The following CCDC7 variants were observed in gnomAD, a reference collection of about 807,000 sequenced individuals.
CCDC7 encodes coiled-coil domain-containing protein 7.
In CCDC7, 183 loss-of-function variants were observed where a neutral mutation model predicts 196.9. The observed-to-expected ratio is 0.93, with a 90% confidence interval of 0.82 to 1.05. The LOEUF (loss-of-function observed/expected upper bound fraction) is 1.05. CCDC7 is among the 50% of genes least tolerant of loss of function. CCDC7 has a pLI of 0.00. For synonymous variants in CCDC7, 525 were observed against 484.6 expected, an observed-to-expected ratio of 1.08 and a Z score of -1.10; for missense variants, 1,540 against 1,482.2, an observed-to-expected ratio of 1.04 and a Z score of -0.64.
chr10:32,654,312 A>C (rs2069350548), intron 20 of CCDC7, among the ~76,000 whole-genome samples: 1 of 152,194 alleles, frequency 6.6e-6, no homozygotes, highest in Non-Finnish European at 1.5e-5. Flanking sequence ...ACATCTTGGC[A>C]TCTTCAGGGA....
chr10:32,602,362 C>A (rs2061141659), intron 18 of CCDC7, among the ~76,000 whole-genome samples: 2 of 151,916 alleles, frequency 1.3e-5, no homozygotes, highest in Non-Finnish European at 2.9e-5. Flanking sequence ...GAGGGTCTGT[C>A]GCTTCATTCT....
chr10:32,576,417 G>T (rs1373895418), intron 16 of CCDC7, among the ~76,000 whole-genome samples: 2 of 151,994 alleles, frequency 1.3e-5, no homozygotes, highest in Admixed American at 1.3e-4. Context: ...GCCCTTGCTT[G>T]GTACGGTAGC....
At chr10:32,492,383 T>A (rs2042286468) in intron 9 of CCDC7, among the ~76,000 whole-genome samples, 1 of 152,176 alleles carries the variant, frequency 6.6e-6, no homozygotes, top group South Asian at 2.1e-4. Context: ...AAGGGATATT[T>A]GTACATCCAT....
At chr10:32,692,194 T>G (rs2077166642) in intron 23 of CCDC7, among the ~76,000 whole-genome samples, 1 of 152,182 alleles carries the variant, frequency 6.6e-6, no homozygotes, top group African/African-American at 2.4e-5. Context: ...TGCCTAGGGC[T>G]AAGAATAGTC....
At chr10:32,487,843 G>C (rs1329734546) in intron 8 of CCDC7, among the ~76,000 whole-genome samples, 1 of 152,192 alleles carries the variant, frequency 6.6e-6, no homozygotes, top group Non-Finnish European at 1.5e-5. Context: ...CGTTCCTCTG[G>C]AAGTTTTGTC....
chr10:32,528,808 T>TA (rs2049164197), intron 11 of CCDC7, among the ~76,000 whole-genome samples: 1 of 133,546 alleles, frequency 7.5e-6, no homozygotes, highest in African/African-American at 3.0e-5. Context: ...TATATATATA[T>TA]TTATATTTTC....
At chr10:32,707,509 T>G (rs918526992) in intron 24 of CCDC7, among the ~76,000 whole-genome samples, 2 of 152,146 alleles carry the variant, frequency 1.3e-5, no homozygotes, top group African/African-American at 4.8e-5. Context: ...GGTATTCAAT[T>G]AGGAAAAGAG....
In CCDC7 at chr10:32,660,622, G is replaced by C. The variant is rs563196452; in HGVS notation, c.2015-3432G>C. The stretch of plus-strand genomic sequence containing the variant: ...TGTCTTTATAGCAGCATGATTTATA[G>C]TCCTTTGGGTATATACCCAGTAATG... On this transcript the variant is annotated intron_variant, in intron 20 of 41. Transcript: ENST00000639629. Among the ~76,000 whole-genome samples the C allele has an allele frequency of 2.2e-4, 33 of 150,816 alleles. No homozygotes were observed. The South Asian group carries it at 7.0e-3, about 32-fold the overall frequency.
chr10:32,676,635 G>A (rs1409119862), intron 21 of CCDC7, among the ~76,000 whole-genome samples: 1 of 151,992 alleles, frequency 6.6e-6, no homozygotes, highest in Admixed American at 6.6e-5. Flanking sequence ...ACCATCACTG[G>A]CCATCAGAGA....
intron 3 of CCDC7, among the ~76,000 whole-genome samples, chr10:32,461,715 A>ATATATATATATATATG (rs1178630612): frequency 3.7e-5 from 1 of 27,358 alleles, no homozygotes; most frequent in African/African-American, 1.1e-4. Flanking sequence ...GTGTGTATAT[A>ATATATATATATATATG]TATATATATA....
At chr10:32,802,378 A>G (rs1385844552) in intron 29 of CCDC7, among the ~76,000 whole-genome samples, 1 of 152,162 alleles carries the variant, frequency 6.6e-6, no homozygotes, top group Non-Finnish European at 1.5e-5. Flanking sequence ...AGTTCACACC[A>G]AGAACTATCA....
At chr10:32,760,711 G>A (rs1269827188) in intron 28 of CCDC7, among the ~76,000 whole-genome samples, 2 of 151,276 alleles carry the variant, frequency 1.3e-5, no homozygotes, top group African/African-American at 4.9e-5. Context: ...AAACCTGCAC[G>A]TTGTGCACAT....
intron 31 of CCDC7, among the ~76,000 whole-genome samples, 186 bp from the exon 33 acceptor site, chr10:32,824,332 G>T (rs777308730): frequency 6.6e-6 from 1 of 152,006 alleles, no homozygotes; most frequent in Non-Finnish European, 1.5e-5. Flanking sequence ...ATATAATGAG[G>T]CTTATATGAT....
At chr10:32,477,603 A>T (rs2039245557) in intron 8 of CCDC7, among the ~76,000 whole-genome samples, 1 of 150,908 alleles carries the variant, frequency 6.6e-6, no homozygotes, top group Non-Finnish European at 1.5e-5. Context: ...TCATTTGTTG[A>T]GAAGAGTACT....
chr10:32,875,513 A>G (rs891405218), intron 41 of CCDC7, among the ~76,000 whole-genome samples: 2 of 152,000 alleles, frequency 1.3e-5, no homozygotes, highest in East Asian at 1.9e-4. Flanking sequence ...TTGTACCAGT[A>G]CCATGCTGTT....
intron 21 of CCDC7, among the ~76,000 whole-genome samples, chr10:32,685,051 G>A (rs1326263388): frequency 6.6e-6 from 1 of 151,260 alleles, no homozygotes; most frequent in Non-Finnish European, 1.5e-5. Context: ...TCCTTCCCTA[G>A]TTCACCCTCC....
At chr10:32,855,431 G>A (rs1341251939) in intron 41 of CCDC7, among the ~76,000 whole-genome samples, 1 of 152,134 alleles carries the variant, frequency 6.6e-6, no homozygotes, top group Non-Finnish European at 1.5e-5. Context: ...AGGATCAGTG[G>A]TAGCCCTAAG....
Position 32,744,689 on chromosome 10 carries a change from A to C in CCDC7, c.2905+15232A>C, listed in dbSNP as rs77911431. ...GATGTTTGTTTTAATATTGAGTTTTAAGAGTTCTTTGCATATTTTGGGTAA... is the reference window on the plus strand; with the variant it reads ...GATGTTTGTTTTAATATTGAGTTTTCAGAGTTCTTTGCATATTTTGGGTAA... On this transcript the variant is annotated intron_variant, in intron 28 of 41. Coordinates refer to ENST00000639629, the Ensembl canonical transcript of CCDC7. 3.8e-4 allele frequency among the ~76,000 whole-genome samples: 58 copies of C among 152,294 alleles called. No individual in the cohort carries two copies. In the East Asian group the frequency reaches 0.011, roughly 29 times the overall value.
At chr10:32,706,869 A>C (rs2079862897) in intron 24 of CCDC7, among the ~76,000 whole-genome samples, 1 of 152,262 alleles carries the variant, frequency 6.6e-6, no homozygotes, top group Non-Finnish European at 1.5e-5. Context: ...TGATGGATTT[A>C]CAGCCGAATT....
Sources: allele counts gnomAD v4.1 joint callset (sites outside exome capture counted in the v4.1 genomes callset), GRCh38; gene constraint gnomAD v4.1.1; transcripts MANE v1.5; gene names NCBI Gene and HGNC (gene_info 2026-07-23, HGNC 2026-07-21).